Variants in TWSG1 observed in about 807,000 individuals in gnomAD.
The protein encoded by TWSG1 is twisted gastrulation protein homolog 1.
A neutral mutation model predicts 23.0 loss-of-function variants in TWSG1; 15 were observed. The ratio of observed to expected loss-of-function variants is 0.65; its 90% CI spans 0.44 to 1.00. The LOEUF is 1.00. Ranked by LOEUF, TWSG1 falls within the 50% of genes least tolerant of loss-of-function variation. The pLI is 0.00. For synonymous variants in TWSG1, 86 were observed against 92.8 expected, an observed-to-expected ratio of 0.93 and a Z score of 0.42; for missense variants, 242 against 278.7, an observed-to-expected ratio of 0.87 and a Z score of 0.94.
At chr18:9,388,574 C>G (rs1011843105) in intron 3 of TWSG1, among the ~76,000 whole-genome samples, 2 of 152,198 alleles carry the variant, frequency 1.3e-5, no homozygotes, top group African/African-American at 4.8e-5. Flanking sequence ...TCTTTAACAG[C>G]AAATCAGGGA....
chr18:9,386,118 G>T (rs371850040), intron 3 of TWSG1, among the ~76,000 whole-genome samples: 1 of 149,466 alleles, frequency 6.7e-6, no homozygotes, highest in South Asian at 2.1e-4. Flanking sequence ...GCAGTGAGCC[G>T]AGATCGTGCC....
chr18:9,343,247 TATATATATATATATC>T (rs2040455315), intron 2 of TWSG1, among the ~76,000 whole-genome samples: 1 of 33,770 alleles, frequency 3.0e-5, no homozygotes, highest in African/African-American at 9.9e-5. Flanking sequence ...TATATATATA[TATATATATATATATC>T]TTGTCCTAAC....
At chr18:9,386,669 G>C (rs1194104290) in intron 3 of TWSG1, among the ~76,000 whole-genome samples, 1 of 152,032 alleles carries the variant, frequency 6.6e-6, no homozygotes, top group Non-Finnish European at 1.5e-5. Flanking sequence ...TGAGTCCTTA[G>C]GTTGAAAGAG....
At chr18:9,369,656 C>A (rs936532562) in intron 3 of TWSG1, among the ~76,000 whole-genome samples, 4 of 152,210 alleles carry the variant, frequency 2.6e-5, no homozygotes, top group Middle Eastern at 3.4e-3. Flanking sequence ...AGGTCTTCTT[C>A]CGTTGCTCAG....
In TWSG1 at chr18:9,369,979, G is replaced by A. The variant is rs115225685; in HGVS notation, c.223+9908G>A. On this transcript the variant is annotated intron_variant, in intron 3 of 4. Transcript: ENST00000262120. ...TTTTTACTTTGAGTTAATTCCATTT[G>A]TCTGTTTTTGCTTTTGTTCCCTGTG... 1.4e-3 allele frequency among the ~76,000 whole-genome samples: 213 copies of A among 152,128 alleles called. 1 individual carries two copies. The highest frequency in any genetic ancestry group is 5.0e-3 in the African/African-American group (207 of 41,496).
intron 2 of TWSG1, among the ~76,000 whole-genome samples, chr18:9,357,531 T>C (rs747372475): frequency 1.4e-4 from 21 of 152,206 alleles, no homozygotes; most frequent in Non-Finnish European, 2.9e-4. Context: ...TATTGTGGTC[T>C]GTGTTTACAT....
chr18:9,392,401 G>C (rs745488315), intron 3 of TWSG1, among the ~76,000 whole-genome samples: 1 of 152,188 alleles, frequency 6.6e-6, no homozygotes, highest in Non-Finnish European at 1.5e-5. Context: ...GCCAGCTTCA[G>C]ACTTTTCTTC....
intron 3 of TWSG1, among the ~76,000 whole-genome samples, chr18:9,370,850 C>T (rs2040601845): frequency 6.6e-6 from 1 of 152,060 alleles, no homozygotes; most frequent in African/African-American, 2.4e-5. Flanking sequence ...AAAATATGAG[C>T]CATAGCATAA....
rs1041785732 is a variant in TWSG1 at position 9,342,758 on chromosome 18, G to A, written c.123+5406G>A. Among the ~76,000 whole-genome samples, 6 of 152,046 alleles carry A rather than the reference G, an allele frequency of 3.9e-5. No homozygotes were observed. In the South Asian group the frequency reaches 1.0e-3, roughly 26 times the overall value. ...TTGGTTCCAGTGTTTCTTGGATTTC[G>A]TATCTTGTTGTTTTTAACAGTAACC... On this transcript the variant is annotated intron_variant, in intron 2 of 4. Coordinates refer to ENST00000262120, the MANE Select transcript of TWSG1 (RefSeq NM_020648.6).
chr18:9,359,056 A>G (rs936011070), intron 2 of TWSG1, among the ~76,000 whole-genome samples: 1 of 152,270 alleles, frequency 6.6e-6, no homozygotes, highest in South Asian at 2.1e-4. Context: ...CTCTTGTGGA[A>G]TAACAAACCA....
chr18:9,398,883 C>T (rs1367002034), intron 4 of TWSG1, among the ~76,000 whole-genome samples: 1 of 151,948 alleles, frequency 6.6e-6, no homozygotes, highest in Non-Finnish European at 1.5e-5. Context: ...GTGGTGCATG[C>T]TTGTAATCCC....
At chr18:9,376,289 C>A (rs1270618095) in intron 3 of TWSG1, among the ~76,000 whole-genome samples, 1 of 152,016 alleles carries the variant, frequency 6.6e-6, no homozygotes, top group African/African-American at 2.4e-5. Context: ...CAAACTGATT[C>A]TAAAGTTTAT....
At chr18:9,356,323 C>T (rs983593613) in intron 2 of TWSG1, among the ~76,000 whole-genome samples, 12 of 152,142 alleles carry the variant, frequency 7.9e-5, no homozygotes, top group South Asian at 2.1e-4. Flanking sequence ...CAAGTTCAAG[C>T]GACTTTTAAA....
At chr18:9,367,515 C>T (rs2039394766) in intron 3 of TWSG1, among the ~76,000 whole-genome samples, 1 of 152,104 alleles carries the variant, frequency 6.6e-6, no homozygotes, top group Non-Finnish European at 1.5e-5. Flanking sequence ...ATCAGGGTCC[C>T]CAACCCCTGA....
intron 2 of TWSG1, among the ~76,000 whole-genome samples, chr18:9,355,616 T>C (rs967334174): frequency 5.9e-5 from 9 of 152,230 alleles, no homozygotes; most frequent in Admixed American, 5.9e-4. Flanking sequence ...AATTCATTGT[T>C]TCAGTTTGTT....
intron 3 of TWSG1, among the ~76,000 whole-genome samples, chr18:9,382,478 G>A (rs567217660): frequency 1.3e-5 from 2 of 151,830 alleles, no homozygotes; most frequent in South Asian, 4.2e-4. Context: ...AACCGATATC[G>A]GGCCACTGCA....
chr18:9,397,778 G>A (rs1368961354), intron 4 of TWSG1, among the ~76,000 whole-genome samples: 1 of 152,130 alleles, frequency 6.6e-6, no homozygotes, highest in Non-Finnish European at 1.5e-5. Context: ...GGCTGAGGCG[G>A]GCACATCACC....
At chr18:9,383,792 G>T (rs1313735079) in intron 3 of TWSG1, among the ~76,000 whole-genome samples, 2 of 152,150 alleles carry the variant, frequency 1.3e-5, no homozygotes, top group Non-Finnish European at 2.9e-5. Context: ...TTAAGGAATT[G>T]AAATTTTGGC....
At position 9,340,816 on chromosome 18, in the gene TWSG1, A is replaced by C. The variant is rs1051780990; in HGVS notation, c.123+3464A>C. On this transcript the variant is annotated intron_variant, in intron 2 of 4. Transcript: ENST00000262120. ...AGAATCTAGCCATACGTGGCTACCAAGTACTTGAAATGTGACTAGTATGGC... is the reference window on the plus strand; with the variant it reads ...AGAATCTAGCCATACGTGGCTACCACGTACTTGAAATGTGACTAGTATGGC... Among the ~76,000 whole-genome samples, 7 of 152,254 alleles carry C rather than the reference A, an allele frequency of 4.6e-5. No individual in the cohort carries two copies. In the South Asian group the frequency reaches 1.2e-3, roughly 27 times the overall value.
Sources: allele counts gnomAD v4.1 joint callset (sites outside exome capture counted in the v4.1 genomes callset), GRCh38; gene constraint gnomAD v4.1.1; transcripts MANE v1.5; gene names NCBI Gene and HGNC (gene_info 2026-07-23, HGNC 2026-07-21).